The following PCNT variants were observed in gnomAD, a reference collection of about 807,000 sequenced individuals.
PCNT encodes the protein kendrin.
PCNT carries 319 observed loss-of-function variants against 380.4 expected under a neutral mutation model. The observed-to-expected ratio is 0.84, with a 90% confidence interval of 0.77 to 0.92. PCNT has a LOEUF of 0.92. Among genes scored for constraint, PCNT ranks in the 40% least tolerant of loss-of-function variants. The pLI is 0.00. For synonymous variants in PCNT, 1,845 were observed against 1,735.2 expected, an observed-to-expected ratio of 1.06 and a Z score of -1.57; for missense variants, 4,400 against 4,255.3, an observed-to-expected ratio of 1.03 and a Z score of -0.95.
chr21:46,430,361 C>A, intron 36 of PCNT, 129 bp downstream of exon 36: 2 of 1,383,242 alleles, frequency 1.4e-6, no homozygotes, highest in Non-Finnish European at 2.0e-6. Flanking sequence ...CCGCGCCCTG[C>A]TGTCCCTGGG....
intron 3 of PCNT, among the ~76,000 whole-genome samples, chr21:46,342,999 AT>A (rs2083952982): frequency 6.6e-6 from 1 of 152,006 alleles, no homozygotes; most frequent in Non-Finnish European, 1.5e-5. Flanking sequence ...AGTGCTACTG[AT>A]TTGTGTATGT....
rs375723425 is a variant in PCNT at position 46,357,401 on chromosome 21, G to A, written c.2154+210G>A. On this transcript the variant is annotated intron_variant, in intron 13 of 46. Coordinates refer to ENST00000359568, the MANE Select transcript of PCNT (RefSeq NM_006031.6). Reference sequence around the variant, plus strand: ...GGCGGTTGGATAGAATCTTGTCAGGGTCAGCACCGGGGCGAAAGTGAAGTT... The same window carrying A: ...GGCGGTTGGATAGAATCTTGTCAGGATCAGCACCGGGGCGAAAGTGAAGTT... 5.9e-5 allele frequency among the ~76,000 whole-genome samples: 9 copies of A among 152,316 alleles called. No individual in the cohort carries two copies. In the East Asian group the frequency reaches 1.5e-3, roughly 26 times the overall value.
In PCNT at chr21:46,354,125, T is replaced by C. The variant is rs117007201; in HGVS notation, c.1761+57T>C. On this transcript the variant is annotated intron_variant, in intron 11 of 46. Transcript: ENST00000359568. ...TCCTGTGCTCTTGACCTTCCAGCCC[T>C]GCGTCTTCCACATTATAGAGCCTGT... The C allele has an allele frequency of 0.054, 76,707 of 1,423,090 alleles. 2,397 individuals are homozygous for C. Among genetic ancestry groups the C allele is most frequent in the Non-Finnish European group, 0.061 (61,980 of 1,008,500 alleles). 88.2% of individuals were successfully genotyped at this position (1,423,090 alleles called of 1,614,324 possible). A position where few individuals can be genotyped will look rare whatever the true frequency, so the allele number is the denominator to read the frequency against.
At chr21:46,324,704 G>T (rs971581761) in intron 1 of PCNT, among the ~76,000 whole-genome samples, 1 of 151,974 alleles carries the variant, frequency 6.6e-6, no homozygotes, top group Non-Finnish European at 1.5e-5. Flanking sequence ...TCTTCCAGTG[G>T]CTCCCGCGTC....
chr21:46,385,671 C>T (rs1336008544), intron 16 of PCNT, among the ~76,000 whole-genome samples, 161 bp from the exon 17 acceptor site: 1 of 152,166 alleles, frequency 6.6e-6, no homozygotes, highest in Non-Finnish European at 1.5e-5. Flanking sequence ...CGTTGTGAGT[C>T]GAGGAACGTG....
At chr21:46,396,416 G>A (rs544914509) in intron 21 of PCNT, among the ~76,000 whole-genome samples, 23 of 152,196 alleles carry the variant, frequency 1.5e-4, no homozygotes, top group Non-Finnish European at 2.5e-4. Flanking sequence ...TGGGGCAGAG[G>A]CAGAAGGGCC....
At chr21:46,361,277 G>T (rs535478540) in intron 13 of PCNT, among the ~76,000 whole-genome samples, 35 of 152,306 alleles carry the variant, frequency 2.3e-4, no homozygotes, top group African/African-American at 8.4e-4. Flanking sequence ...TATAATCCCA[G>T]CTACTCGGGG....
chr21:46,375,246 G>A (rs2085298516), intron 15 of PCNT, among the ~76,000 whole-genome samples: 1 of 152,138 alleles, frequency 6.6e-6, no homozygotes, highest in South Asian at 2.1e-4. Flanking sequence ...GGATGCTCAA[G>A]GCGGTGTCAT....
At chr21:46,403,461 G>A (rs1183974059) in intron 27 of PCNT, among the ~76,000 whole-genome samples, 3 of 133,560 alleles carry the variant, frequency 2.2e-5, no homozygotes, top group Non-Finnish European at 3.2e-5. Flanking sequence ...GTGCCCACGC[G>A]GCACGTGCTT....
At chr21:46,371,909 T>C (rs1202762760) in intron 15 of PCNT, among the ~76,000 whole-genome samples, 1 of 140,216 alleles carries the variant, frequency 7.1e-6, no homozygotes, top group Non-Finnish European at 1.5e-5. Flanking sequence ...ACACAGCACA[T>C]GTGCGCACAC....
intron 1 of PCNT, chr21:46,324,991 G>C: frequency 1.1e-6 from 1 of 910,260 alleles, no homozygotes; most frequent in Non-Finnish European, 1.3e-6. Context: ...CCTGGCGTAC[G>C]CTGCCGGGAA....
chr21:46,436,070 G>A lies in PCNT; in HGVS notation c.8918G>A (p.Arg2973Gln), dbSNP rs545553782. 13 of 1,613,284 alleles carry A rather than the reference G, an allele frequency of 8.1e-6. No homozygotes were observed. The highest frequency in any genetic ancestry group is 2.7e-5 in the African/African-American group (2 of 75,052). The change falls in exon 39 of 47, where the codon CGA becomes CAA. Residue 2973 changes from arginine (R) to glutamine (Q), a missense_variant. Coordinates refer to ENST00000359568, the MANE Select transcript of PCNT (RefSeq NM_006031.6). ...GCGGACCACCTCCGGGAACAGCAGC[G>A]AGAGCTGGAGGCGATGAGGCAGCGG... ...SDADHLREQQRELEAMRQRLL... is the reference protein window; with the variant it reads ...SDADHLREQQQELEAMRQRLL...
chr21:46,424,546 C>T (rs2087406846), intron 32 of PCNT, among the ~76,000 whole-genome samples: 1 of 152,238 alleles, frequency 6.6e-6, no homozygotes. Context: ...GCCTCTGCAT[C>T]TCTTCTTTGT....
Position 46,436,993 on chromosome 21 carries a change from G to C in PCNT, c.9011G>C (p.Trp3004Ser), listed in dbSNP as rs2053476519. The C allele has an allele frequency of 1.9e-6, 3 of 1,613,538 alleles. No homozygotes were observed. Among genetic ancestry groups the C allele is most frequent in the Non-Finnish European group, 1.7e-6 (2 of 1,179,560 alleles). ...TATTTTTACAGGACAGTTAATGATT[G>C]GACGTCATCCAATGAGAAAGCAGTG... ...SQAVDRTVND[W>S]TSSNEKAVMS... Residue 3004 changes from tryptophan to serine, a missense_variant, in exon 40 of 47, where the codon TGG becomes TCG. Coordinates refer to ENST00000359568, the MANE Select transcript of PCNT (RefSeq NM_006031.6).
At chr21:46,362,077 G>A (rs935846252) in intron 13 of PCNT, among the ~76,000 whole-genome samples, 1 of 152,206 alleles carries the variant, frequency 6.6e-6, no homozygotes, top group Non-Finnish European at 1.5e-5. Flanking sequence ...CAGTTCACTC[G>A]GGTGACTTCA....
intron 21 of PCNT, among the ~76,000 whole-genome samples, chr21:46,396,188 C>T (rs1234957180): frequency 1.3e-5 from 2 of 152,256 alleles, no homozygotes; most frequent in Non-Finnish European, 2.9e-5. Flanking sequence ...TGGGCCGGGG[C>T]TTCGCCACCC....
intron 13 of PCNT, among the ~76,000 whole-genome samples, chr21:46,363,137 A>T (rs2084778128): frequency 6.6e-6 from 1 of 152,196 alleles, no homozygotes; most frequent in South Asian, 2.1e-4. Flanking sequence ...GAGTCCTGCC[A>T]CTGGTCTTGG....
chr21:46,399,885 C>T (rs1012058829), intron 25 of PCNT, 89 bp downstream of exon 25: 10 of 1,125,450 alleles, frequency 8.9e-6, no homozygotes, highest in South Asian at 2.5e-5. Flanking sequence ...GTGGGCAGGG[C>T]GTCCTTCTTC....
chr21:46,356,864 G>C, intron 12 of PCNT, 110 bp from the exon 13 acceptor site: 1 of 876,094 alleles, frequency 1.1e-6, no homozygotes, highest in African/African-American at 1.7e-5. Flanking sequence ...AAAATCCACA[G>C]TGTCTGCTGT....
Sources: allele counts gnomAD v4.1 joint callset (sites outside exome capture counted in the v4.1 genomes callset), GRCh38; gene constraint gnomAD v4.1.1; transcripts MANE v1.5; gene names NCBI Gene and HGNC (gene_info 2026-07-23, HGNC 2026-07-21).